EPS15: variants seen among roughly 807,000 people sequenced by gnomAD.
EPS15 encodes epidermal growth factor receptor pathway substrate 15, also known as epidermal growth factor receptor substrate 15.
EPS15 carries 72 observed loss-of-function variants against 113.8 expected under a neutral mutation model. That is an observed-to-expected ratio of 0.63 (90% CI 0.52 to 0.77). The LOEUF is 0.77. Ranked by LOEUF, EPS15 falls within the 30% of genes least tolerant of loss-of-function variation. The probability of loss-of-function intolerance (pLI) is 0.00; values close to 1 mark genes in which losing one functional copy is unlikely to be tolerated. For synonymous variants in EPS15, 344 were observed against 363.4 expected (o/e 0.95, Z 0.61); for missense variants, 1,048 against 1,045.8 (o/e 1.00, Z -0.03).
intron 21 of EPS15, among the ~76,000 whole-genome samples, chr1:51,392,356 G>T (rs1387145676): frequency 6.6e-6 from 1 of 152,084 alleles, no homozygotes; most frequent in Non-Finnish European, 1.5e-5. Context: ...GTTGACTGCT[G>T]GAACTCTGCA....
intron 12 of EPS15, among the ~76,000 whole-genome samples, chr1:51,429,603 T>A (rs1274596821): frequency 1.3e-5 from 2 of 151,748 alleles, no homozygotes; most frequent in African/African-American, 4.8e-5. Flanking sequence ...TATAAAGAAC[T>A]TCTGTACTAG....
At chr1:51,515,158 T>C (rs1644692226) in intron 1 of EPS15, among the ~76,000 whole-genome samples, 2 of 152,142 alleles carry the variant, frequency 1.3e-5, no homozygotes, top group Non-Finnish European at 2.9e-5. Flanking sequence ...GTTATATCAC[T>C]CTTGTAATTT....
chr1:51,395,025 T>C (rs1417352573), intron 20 of EPS15, among the ~76,000 whole-genome samples: 1 of 152,076 alleles, frequency 6.6e-6, no homozygotes, highest in Non-Finnish European at 1.5e-5. Context: ...TATGCCACCA[T>C]ACCTGGGTAA....
At chr1:51,444,668 T>C (rs1404500964) in intron 11 of EPS15, among the ~76,000 whole-genome samples, 3 of 152,158 alleles carry the variant, frequency 2.0e-5, no homozygotes, top group Non-Finnish European at 2.9e-5. Flanking sequence ...GGAAATATAG[T>C]TGTCATGTTT....
In EPS15 at chr1:51,399,264, T is replaced by C. The variant is rs1337095146; in HGVS notation, c.1919-99A>G. The C allele has an allele frequency of 3.8e-5, 44 of 1,167,098 alleles. 2 individuals are homozygous for C. Among genetic ancestry groups the C allele is most frequent in the Non-Finnish European group, 5.2e-5 (43 of 819,742 alleles). 72.3% of individuals were successfully genotyped at this position (1,167,098 alleles called of 1,614,324 possible). A position where few individuals can be genotyped will look rare whatever the true frequency, so the allele number is the denominator to read the frequency against. ...GATCAGTGCCTTAATTAAAAGACAG[T>C]CTGGGGCCAGGTGCAGTGGCTCACG... On this transcript the variant is annotated intron_variant, in intron 19 of 24. Coordinates refer to ENST00000371733, the MANE Select transcript of EPS15 (RefSeq NM_001981.3).
chr1:51,425,239 C>G (rs914787887), intron 12 of EPS15, among the ~76,000 whole-genome samples: 2 of 152,150 alleles, frequency 1.3e-5, no homozygotes, highest in African/African-American at 4.8e-5. Context: ...CTTTCAGAAG[C>G]CTAAGGTTCA....
Position 51,492,703 on chromosome 1 carries a change from A to C in EPS15, c.34-11389T>G, listed in dbSNP as rs569947816. On this transcript the variant is annotated intron_variant, in intron 1 of 24. Coordinates refer to ENST00000371733, the MANE Select transcript of EPS15 (RefSeq NM_001981.3). Reference sequence around the variant, plus strand: ...TATACATCATTCTAGGTAGGCCAAAAAAACAAACAAACAAACAAAAAAAAC... The same window carrying C: ...TATACATCATTCTAGGTAGGCCAAACAAACAAACAAACAAACAAAAAAAAC... Among the ~76,000 whole-genome samples the C allele has an allele frequency of 2.5e-4, 38 of 152,170 alleles. No individual in the cohort carries two copies. In the South Asian group the frequency reaches 5.4e-3, roughly 22 times the overall value.
intron 1 of EPS15, among the ~76,000 whole-genome samples, chr1:51,507,692 T>TA (rs1165894977): frequency 6.7e-6 from 1 of 150,236 alleles, no homozygotes; most frequent in Non-Finnish European, 1.5e-5. Flanking sequence ...GAATAAAAAA[T>TA]GTTACATACA....
At chr1:51,485,214 A>T (rs1287905139) in intron 1 of EPS15, among the ~76,000 whole-genome samples, 1 of 152,202 alleles carries the variant, frequency 6.6e-6, no homozygotes, top group Non-Finnish European at 1.5e-5. Context: ...CCACTGTTAA[A>T]TTTTTAAGGA....
At chr1:51,368,312 C>T (rs1646555102) in intron 21 of EPS15, among the ~76,000 whole-genome samples, 1 of 152,030 alleles carries the variant, frequency 6.6e-6, no homozygotes, top group Admixed American at 6.6e-5. Flanking sequence ...TGTCACCAAA[C>T]ATTTCGTCAC....
At chr1:51,474,241 G>A (rs12086783) in intron 2 of EPS15, among the ~76,000 whole-genome samples, 197 of 152,344 alleles carry the variant, frequency 1.3e-3, no homozygotes, top group African/African-American at 4.4e-3. Context: ...CTATAGGCCA[G>A]AAGCTGATAT....
In EPS15 at chr1:51,447,060, G is replaced by A. The variant is rs1653118958; in HGVS notation, c.697C>T (p.Leu233=). ...CCGTCCATATCTTTATCAGTTTTCA[G>A]GAAGATTTCATCATATTTAGCTTTT... ...AEKAKYDEIF[L]KTDKDMDGFV... The change falls in exon 10 of 25, where the codon CTG becomes TTG. Residue 233 remains leucine (L), a synonymous_variant. Transcript: ENST00000371733. The A allele has an allele frequency of 6.2e-7, 1 of 1,613,524 alleles. No homozygotes were observed. The highest frequency in any genetic ancestry group is 8.5e-7 in the Non-Finnish European group (1 of 1,179,740).
At chr1:51,496,298 T>C (rs1234720542) in intron 1 of EPS15, among the ~76,000 whole-genome samples, 1 of 152,164 alleles carries the variant, frequency 6.6e-6, no homozygotes, top group Non-Finnish European at 1.5e-5. Flanking sequence ...ATTAAGTTTG[T>C]TGCCTTTATA....
intron 2 of EPS15, among the ~76,000 whole-genome samples, chr1:51,475,864 G>A (rs1247332008): frequency 6.6e-6 from 1 of 152,176 alleles, no homozygotes; most frequent in East Asian, 1.9e-4. Flanking sequence ...TGTAGAAGGT[G>A]TAAGGAACGG....
In EPS15 at chr1:51,354,722, TTAA is replaced by T. The variant is rs1420775530; in HGVS notation, c.*1975_*1977del. 1.6e-5 allele frequency: 3 copies of T among 184,092 alleles called. No individual in the cohort carries two copies. The highest frequency in any genetic ancestry group is 4.7e-5 in the African/African-American group (2 of 42,516). 11.4% of individuals were successfully genotyped at this position (184,092 alleles called of 1,614,324 possible). Reference sequence around the variant, plus strand: ...TATATTTATATAATATATACATACTTTAATATTATGTTGGTCCACGGGGTATAC... The same window carrying T: ...TATATTTATATAATATATACATACTTTATTATGTTGGTCCACGGGGTATAC... On this transcript the variant is annotated 3_prime_UTR_variant, in exon 25 of 25. Coordinates refer to ENST00000371733, the MANE Select transcript of EPS15 (RefSeq NM_001981.3).
At chr1:51,440,814 G>A (rs1652540632) in intron 11 of EPS15, among the ~76,000 whole-genome samples, 1 of 152,004 alleles carries the variant, frequency 6.6e-6, no homozygotes, top group Non-Finnish European at 1.5e-5. Flanking sequence ...TGATTTATTT[G>A]TATTTGTATA....
Position 51,519,244 on chromosome 1 carries a change from A to G in EPS15, c.-13T>C. 1.7e-6 allele frequency: 2 copies of G among 1,161,988 alleles called. No individual in the cohort carries two copies. The highest frequency in any genetic ancestry group is 2.2e-6 in the Non-Finnish European group (2 of 917,118). 72.0% of individuals were successfully genotyped at this position (1,161,988 alleles called of 1,614,324 possible). On this transcript the variant is annotated 5_prime_UTR_variant, in exon 1 of 25. An upstream start codon of the reference 5' UTR is lost. Transcript: ENST00000371733. ...CCGCCGCAGCCATGGTGTTTCCATC[A>G]TGCAAGGGAGGGGAAGGAAGACGGG...
chr1:51,370,744 C>A (rs1163871665), intron 21 of EPS15, among the ~76,000 whole-genome samples: 1 of 151,706 alleles, frequency 6.6e-6, no homozygotes, highest in Non-Finnish European at 1.5e-5. Context: ...CCTCAGCCTC[C>A]TGAGTAGCTA....
chr1:51,430,121 G>T (rs1024217971), intron 12 of EPS15, among the ~76,000 whole-genome samples: 2 of 152,158 alleles, frequency 1.3e-5, no homozygotes, highest in Admixed American at 6.5e-5. Context: ...GATGACAATT[G>T]CTAGAAAGGC....
Sources: allele counts gnomAD v4.1 joint callset (sites outside exome capture counted in the v4.1 genomes callset), GRCh38; gene constraint gnomAD v4.1.1; transcripts MANE v1.5; gene names NCBI Gene and HGNC (gene_info 2026-07-23, HGNC 2026-07-21).